Variants in AQP7B observed in about 807,000 individuals in gnomAD.
The protein encoded by AQP7B is aquaporin 7B, also known as putative aquaporin-7B.
At chr2:94,602,955 C>A in the AQP7B span, 7 of 1,429,552 alleles carry the variant, frequency 4.9e-6, no homozygotes, top group Non-Finnish European at 6.6e-6. Flanking sequence ...GTCATACACA[C>A]TAGCCATCGT....
the AQP7B span, among the ~76,000 whole-genome samples, chr2:94,588,202 G>A: frequency 6.6e-6 from 1 of 152,108 alleles, no homozygotes; most frequent in African/African-American, 2.4e-5. Context: ...ACTGAGTAGA[G>A]GCTGAGGGCA....
the AQP7B span, chr2:94,602,471 C>G: frequency 1.9e-5 from 30 of 1,597,832 alleles, no homozygotes; most frequent in South Asian, 3.1e-4. Context: ...AGGCAGCCCC[C>G]TTAGAGGCCC....
chr2:94,601,378 A>G, the AQP7B span, among the ~76,000 whole-genome samples: 1 of 152,222 alleles, frequency 6.6e-6, no homozygotes. Context: ...ACGCCCACGG[A>G]ACACCAGGAG....
the AQP7B span, among the ~76,000 whole-genome samples, chr2:94,594,029 A>G: frequency 2.6e-5 from 4 of 152,108 alleles, no homozygotes; most frequent in Non-Finnish European, 5.9e-5. Context: ...ATTCACATCT[A>G]CTATGTGCCT....
chr2:94,597,605 C>CTT, the AQP7B span, among the ~76,000 whole-genome samples: 1 of 148,150 alleles, frequency 6.7e-6, no homozygotes, highest in African/African-American at 2.5e-5. Context: ...ATATCACAGT[C>CTT]TTTTTTGTTT....
chr2:94,593,510 AGTCTCGCTCTT>A, the AQP7B span, among the ~76,000 whole-genome samples: 1 of 108,628 alleles, frequency 9.2e-6, no homozygotes, highest in Non-Finnish European at 1.8e-5. Flanking sequence ...TTTGAGATGG[AGTCTCGCTCTT>A]GTTGCCCAGG....
the AQP7B span, chr2:94,594,853 A>T: frequency 6.5e-7 from 1 of 1,545,166 alleles, no homozygotes; most frequent in Non-Finnish European, 8.9e-7. Context: ...GGCCGAGTTC[A>T]TGAGCACATA....
At chr2:94,594,712 T>C in the AQP7B span, 1 of 1,458,168 alleles carries the variant, frequency 6.9e-7, no homozygotes, top group South Asian at 1.1e-5. Flanking sequence ...TTGAGTCTCC[T>C]TTCTGTCCCT....
At chr2:94,587,566 T>C in the AQP7B span, among the ~76,000 whole-genome samples, 2 of 152,162 alleles carry the variant, frequency 1.3e-5, no homozygotes, top group Non-Finnish European at 2.9e-5. Context: ...TTTCTTGTTA[T>C]GGTGCAGTCC....
At chr2:94,599,442 G>T in the AQP7B span, among the ~76,000 whole-genome samples, 8 of 151,850 alleles carry the variant, frequency 5.3e-5, no homozygotes, top group African/African-American at 1.9e-4. Flanking sequence ...TCTGTACTCT[G>T]ACTTTTTTTT....
chr2:94,595,241 C>G, the AQP7B span, among the ~76,000 whole-genome samples: 1 of 152,050 alleles, frequency 6.6e-6, no homozygotes, highest in Admixed American at 6.6e-5. Flanking sequence ...TCGAAACCAG[C>G]CTGGCCAACA....
chr2:94,590,046 C>T, the AQP7B span, among the ~76,000 whole-genome samples: 9 of 152,344 alleles, frequency 5.9e-5, no homozygotes, highest in East Asian at 1.9e-4. Context: ...CTCCCCTGAG[C>T]TCCCCCAGTC....
At chr2:94,594,195 C>T in the AQP7B span, among the ~76,000 whole-genome samples, 3 of 152,186 alleles carry the variant, frequency 2.0e-5, no homozygotes, top group African/African-American at 7.2e-5. Context: ...TTGCTGACCC[C>T]TTCATTTTTG....
chr2:94,603,772 C>G, the AQP7B span: 20 of 1,538,486 alleles, frequency 1.3e-5, no homozygotes, highest in Middle Eastern at 4.7e-4. Context: ...GGAGAACAAC[C>G]CAGCACTGCC....
At chr2:94,593,222 AGG>A in the AQP7B span, among the ~76,000 whole-genome samples, 9 of 152,086 alleles carry the variant, frequency 5.9e-5, no homozygotes, top group African/African-American at 2.2e-4. Flanking sequence ...AGGAGAGGGT[AGG>A]AGGCTCTCCC....
the AQP7B span, among the ~76,000 whole-genome samples, chr2:94,602,264 T>C: frequency 2.0e-5 from 3 of 151,956 alleles, no homozygotes; most frequent in South Asian, 2.1e-4. Context: ...CTAACTCTGC[T>C]GCTCCACCCG....
At chr2:94,588,373 G>C in the AQP7B span, 1 of 622,934 alleles carries the variant, frequency 1.6e-6, no homozygotes, top group Non-Finnish European at 2.8e-6. Flanking sequence ...TGCTTGGCTG[G>C]GCTAAGGGAG....
At chr2:94,587,818 C>T in the AQP7B span, among the ~76,000 whole-genome samples, 1 of 152,070 alleles carries the variant, frequency 6.6e-6, no homozygotes, top group Admixed American at 6.5e-5. Context: ...TCATTCCTCC[C>T]ATGCAGTCCC....
chr2:94,588,049 G>A, the AQP7B span, among the ~76,000 whole-genome samples: 1 of 152,008 alleles, frequency 6.6e-6, no homozygotes, highest in South Asian at 2.1e-4. Flanking sequence ...GCCTCATCCT[G>A]TGTGTTCACC....
Sources: allele counts gnomAD v4.1 joint callset (sites outside exome capture counted in the v4.1 genomes callset), GRCh38; gene constraint gnomAD v4.1.1; transcripts MANE v1.5; gene names NCBI Gene and HGNC (gene_info 2026-07-23, HGNC 2026-07-21).